RASA3: variants seen among roughly 807,000 people sequenced by gnomAD.
RASA3 encodes the protein RAS p21 protein activator 3, also known as ras GTPase-activating protein 3.
Under a neutral mutation model 110.0 loss-of-function variants are expected in RASA3, and 73 were observed. That is an observed-to-expected ratio of 0.66 (90% confidence interval 0.55 to 0.81). RASA3 has a LOEUF of 0.81. RASA3 is among the 30% of genes least tolerant of loss of function. The probability of loss-of-function intolerance (pLI) is 0.00; values close to 1 mark genes in which losing one functional copy is unlikely to be tolerated. For synonymous variants in RASA3, 500 were observed against 451.4 expected, an observed-to-expected ratio of 1.11 and a Z score of -1.37; for missense variants, 976 against 1,113.2, an observed-to-expected ratio of 0.88 and a Z score of 1.75.
At chr13:114,098,509 G>C (rs1435751471) in intron 1 of RASA3, among the ~76,000 whole-genome samples, 2 of 152,188 alleles carry the variant, frequency 1.3e-5, no homozygotes, top group East Asian at 3.9e-4. Flanking sequence ...ACAGGCGAAA[G>C]TGCAGCAGGG....
intron 10 of RASA3, among the ~76,000 whole-genome samples, 195 bp from the exon 11 acceptor site, chr13:114,018,447 C>T (rs1248054445): frequency 6.6e-6 from 1 of 152,292 alleles, no homozygotes; most frequent in East Asian, 1.9e-4. Flanking sequence ...GGCATCTGCA[C>T]CTCCTTCTAG....
At chr13:114,060,616 C>T (rs1198229619) in intron 2 of RASA3, among the ~76,000 whole-genome samples, 1 of 152,222 alleles carries the variant, frequency 6.6e-6, no homozygotes, top group African/African-American at 2.4e-5. Flanking sequence ...TGCGGGGACG[C>T]GAAGGGCCAG....
chr13:114,097,756 G>C (rs897055534), intron 1 of RASA3, among the ~76,000 whole-genome samples: 1 of 152,260 alleles, frequency 6.6e-6, no homozygotes, highest in Non-Finnish European at 1.5e-5. Context: ...CTGATGTGCA[G>C]GTTTCTAGGG....
chr13:114,059,583 CA>C (rs2079302861), intron 2 of RASA3, among the ~76,000 whole-genome samples: 3 of 152,260 alleles, frequency 2.0e-5, no homozygotes, highest in African/African-American at 7.2e-5. Context: ...CTCCACAGTG[CA>C]GCCTGCGGGC....
At chr13:114,021,928 G>C (rs981832563) in intron 8 of RASA3, among the ~76,000 whole-genome samples, 1 of 152,028 alleles carries the variant, frequency 6.6e-6, no homozygotes, top group Non-Finnish European at 1.5e-5. Context: ...TCTGTGCCAG[G>C]AGGGAGCCAG....
At position 114,115,951 on chromosome 13, in the gene RASA3, C is replaced by T. The variant is rs1376786519; in HGVS notation, c.55+16484G>A. On this transcript the variant is annotated intron_variant, in intron 1 of 23. Coordinates refer to ENST00000334062, the MANE Select transcript of RASA3 (RefSeq NM_007368.4). This position sits in a 1 kb window ranked among gnomAD's most constrained non-coding sequence, Gnocchi z 5.0. ...TGTGAATGGGACATGTGCTCAGAGGCGTCTGCAGTTGAGGCGGGTGACGTT... is the reference window on the plus strand; with the variant it reads ...TGTGAATGGGACATGTGCTCAGAGGTGTCTGCAGTTGAGGCGGGTGACGTT... 1.3e-5 allele frequency among the ~76,000 whole-genome samples: 2 copies of T among 152,232 alleles called. No homozygotes were observed. Among genetic ancestry groups the T allele is most frequent in the Non-Finnish European group, 2.9e-5 (2 of 68,046 alleles).
intron 4 of RASA3, among the ~76,000 whole-genome samples, chr13:114,038,768 G>C (rs1041392513): frequency 6.6e-6 from 1 of 152,184 alleles, no homozygotes; most frequent in Non-Finnish European, 1.5e-5. Flanking sequence ...GGTTCCAGGA[G>C]GATGAGGGTT....
At chr13:114,046,742 A>G (rs916477327) in intron 3 of RASA3, among the ~76,000 whole-genome samples, 6 of 152,100 alleles carry the variant, frequency 3.9e-5, no homozygotes, top group African/African-American at 1.2e-4. Context: ...CCCGCCTCCT[A>G]CCTCAGATGG....
At position 113,978,402 on chromosome 13, in the gene RASA3, C is replaced by G. The variant is rs2139013651; in HGVS notation, c.*945G>C. On this transcript the variant is annotated 3_prime_UTR_variant, in exon 24 of 24. Coordinates refer to ENST00000334062, the MANE Select transcript of RASA3 (RefSeq NM_007368.4). ...CCTGTTCCATTTGCCTTCCCGGCAG[C>G]CTTCCCTTTAGTGGGTATAGGTTTT... is the stretch of plus-strand genomic sequence containing the variant. The G allele has an allele frequency of 6.6e-6, 1 of 152,260 alleles. No individual in the cohort carries two copies. The highest frequency in any genetic ancestry group is 1.5e-5 in the Non-Finnish European group (1 of 68,030). 9.4% of individuals were successfully genotyped at this position (152,260 alleles called of 1,614,324 possible).
chr13:114,063,033 C>T (rs996650897), intron 2 of RASA3, among the ~76,000 whole-genome samples: 8 of 152,166 alleles, frequency 5.3e-5, no homozygotes, highest in Non-Finnish European at 1.0e-4. Flanking sequence ...GATTACAGGG[C>T]GCGAGTGTCG....
At chr13:114,069,249 C>T (rs1204553532) in intron 2 of RASA3, among the ~76,000 whole-genome samples, 1 of 152,030 alleles carries the variant, frequency 6.6e-6, no homozygotes, top group Admixed American at 6.5e-5. Context: ...CCAAGTGCTT[C>T]TCCCCAGGGA....
Position 114,016,183 on chromosome 13 carries a change from TGA to T in RASA3, c.1281+12_1281+13del. On this transcript the variant is annotated intron_variant, in intron 13 of 23. Coordinates refer to ENST00000334062, the MANE Select transcript of RASA3 (RefSeq NM_007368.4). ...CAGGTGACTGGCTTTGGTTGGTTCA[TGA>T]ACAAAACCTACCATGTTGTTTTCAA... 6.4e-7 allele frequency: 1 copy of T among 1,564,882 alleles called. No individual in the cohort carries two copies. Among genetic ancestry groups the T allele is most frequent in the Non-Finnish European group, 8.8e-7 (1 of 1,135,672 alleles).
intron 16 of RASA3, among the ~76,000 whole-genome samples, chr13:114,010,798 C>G (rs2053620132): frequency 6.6e-6 from 1 of 150,980 alleles, no homozygotes; most frequent in Admixed American, 6.6e-5. Flanking sequence ...GAGGAGGGGG[C>G]CGCGAGGGGA....
rs377432039 is a variant in RASA3 at position 113,996,665 on chromosome 13, G to A, written c.2007C>T (p.Ile669=). 559 of 1,613,818 alleles carry A rather than the reference G, an allele frequency of 3.5e-4. 9 individuals are homozygous for A. In the South Asian group the frequency reaches 5.6e-3, roughly 16 times the overall value. The change falls in exon 21 of 24, where the codon ATC becomes ATT. Residue 669 remains isoleucine, a synonymous_variant. Transcript: ENST00000334062. ...ACTGGCTCACTTTGGTGAGAATGTCGATCCAGTCCTTGGCCTCCACGCAGT... is the reference window on the plus strand; with the variant it reads ...ACTGGCTCACTTTGGTGAGAATGTCAATCCAGTCCTTGGCCTCCACGCAGT... ...ANNCVEAKDW[I]DILTKVSQCN...
intron 1 of RASA3, among the ~76,000 whole-genome samples, chr13:114,122,795 G>A (rs766964309): frequency 6.6e-6 from 1 of 152,300 alleles, no homozygotes; most frequent in African/African-American, 2.4e-5. Context: ...CGGCAGGTCG[G>A]CCCCAGCCCT....
chr13:114,123,641 G>A (rs1044035406), intron 1 of RASA3, among the ~76,000 whole-genome samples: 6 of 152,166 alleles, frequency 3.9e-5, no homozygotes, highest in South Asian at 2.1e-4. Context: ...AGAATCCTCC[G>A]TCCTACCCTG....
At chr13:114,117,113 CGTGTGTGAGGGATGCAT>C (rs2080292520) in intron 1 of RASA3, among the ~76,000 whole-genome samples, 1 of 120,540 alleles carries the variant, frequency 8.3e-6, no homozygotes, top group Non-Finnish European at 1.7e-5. Flanking sequence ...GAGGAGAGCA[CGTGTGTGAGGGATGCAT>C]GTGTGTGAGG....
At chr13:113,993,806 T>TA (rs35450759) in intron 21 of RASA3, among the ~76,000 whole-genome samples, 18,556 of 85,194 alleles carry the variant, frequency 0.22, 2,424 homozygotes, top group Middle Eastern at 0.27. Flanking sequence ...AGACTCTGCC[T>TA]AAAAAAAAAA....
rs1311282749 is a variant in RASA3 at position 114,096,363 on chromosome 13, C to G, written c.56-22526G>C. On this transcript the variant is annotated intron_variant, in intron 1 of 23. Transcript: ENST00000334062. The surrounding 1 kb of genome is among the most constrained non-coding windows in gnomAD (Gnocchi z 5.1). ...CACAGTCACCTCAACAGCATCTCAG[C>G]CGTTGTCCGACACTGGGTGATTCTG... Among the ~76,000 whole-genome samples, 3 of 152,172 alleles carry G rather than the reference C, an allele frequency of 2.0e-5. No individual in the cohort carries two copies. The highest frequency in any genetic ancestry group is 4.4e-5 in the Non-Finnish European group (3 of 67,998).
Sources: gnomAD v4.1 joint callset for allele counts (sites outside exome capture counted in the v4.1 genomes callset) on GRCh38, gnomAD v4.1.1 for gene constraint, Gnocchi (gnomAD v3.1) non-coding constraint, MANE v1.5 for transcripts, NCBI Gene and HGNC (gene_info 2026-07-23, HGNC 2026-07-21) for gene names.